Variants in FARP1 observed in about 807,000 individuals in gnomAD.
FARP1 encodes FERM, ARH/RhoGEF and pleckstrin domain protein 1.
A neutral mutation model predicts 128.8 loss-of-function variants in FARP1; 52 were observed. The observed-to-expected ratio is 0.40, with a 90% CI of 0.32 to 0.51. FARP1 has a LOEUF of 0.51. Ranked by LOEUF, FARP1 falls within the 20% of genes least tolerant of loss-of-function variation. The pLI, the probability that FARP1 is intolerant of heterozygous loss-of-function variation, is 0.45. For synonymous variants in FARP1, 580 were observed against 551.8 expected (o/e 1.05, Z -0.72); for missense variants, 1,333 against 1,367.9 (o/e 0.97, Z 0.40).
intron 1 of FARP1, among the ~76,000 whole-genome samples, chr13:98,188,742 T>C (rs1371870195): frequency 6.6e-6 from 1 of 152,126 alleles, no homozygotes; most frequent in Non-Finnish European, 1.5e-5. Context: ...CCACACCCCC[T>C]GCACTCTGAA....
chr13:98,418,014 C>T (rs1035924396), intron 16 of FARP1, among the ~76,000 whole-genome samples: 1 of 152,136 alleles, frequency 6.6e-6, no homozygotes, highest in Non-Finnish European at 1.5e-5. Flanking sequence ...AGTGGCTAAA[C>T]AAAATGTGTG....
In FARP1 at chr13:98,176,640, G is replaced by C; in HGVS notation, c.-24+33148G>C. On this transcript the variant is annotated intron_variant, in intron 1 of 26. Coordinates refer to ENST00000319562, the MANE Select transcript of FARP1 (RefSeq NM_005766.4). The surrounding 1 kb of genome is among the most constrained non-coding windows in gnomAD (Gnocchi z 6.2). The stretch of plus-strand genomic sequence containing the variant: ...CGAAGCCACAGAAGCCAGTCTCCTT[G>C]TAGTCCTTGCAGATGTCAGGCTGGT... The C allele has an allele frequency of 6.2e-7, 1 of 1,614,222 alleles. No individual in the cohort carries two copies. Among genetic ancestry groups the C allele is most frequent in the Non-Finnish European group, 8.5e-7 (1 of 1,180,040 alleles).
At chr13:98,254,990 A>AT (rs1309847262) in intron 2 of FARP1, among the ~76,000 whole-genome samples, 2 of 151,956 alleles carry the variant, frequency 1.3e-5, no homozygotes, top group East Asian at 1.9e-4. Context: ...CAAAGGAAGA[A>AT]TTTTTTACTT....
At position 98,440,050 on chromosome 13, in the gene FARP1, C is replaced by G. The variant is rs370893107; in HGVS notation, c.2516+7C>G. ...CCATCATCGTGGCCGCCAGGTAACT[C>G]GGGAGCCCGCCCCTTGCCTGTTTCC... On this transcript the variant is annotated splice_region_variant and intron_variant, in intron 22 of 26. Transcript: ENST00000319562. The G allele has an allele frequency of 3.7e-6, 6 of 1,607,542 alleles. No individual in the cohort carries two copies. The African/African-American group carries it at 6.7e-5, about 18-fold the overall frequency.
chr13:98,430,961 CATTTCCCCAAGTGA>C, intron 17 of FARP1, 68 bp from the exon 18 acceptor site: 2 of 834,678 alleles, frequency 2.4e-6, no homozygotes, highest in Non-Finnish European at 3.9e-6. Context: ...AGGAGCGCTT[CATTTCCCCAAGTGA>C]AACTGGGCAG....
At chr13:98,255,417 C>A (rs56844909) in intron 2 of FARP1, among the ~76,000 whole-genome samples, 2,206 of 152,128 alleles carry the variant, frequency 0.015, 39 homozygotes, top group African/African-American at 0.044. Context: ...AGGAGAATGG[C>A]GTGAACCCAG....
chr13:98,307,745 TAATG>T (rs1307738654), intron 2 of FARP1, among the ~76,000 whole-genome samples: 1 of 152,200 alleles, frequency 6.6e-6, no homozygotes, highest in East Asian at 1.9e-4. Flanking sequence ...TAACTGGAAA[TAATG>T]AAGCCTCTCC....
At chr13:98,329,013 C>T (rs1385930824) in intron 2 of FARP1, 1 of 152,216 alleles carries the variant, frequency 6.6e-6, no homozygotes, top group East Asian at 1.9e-4. Context: ...TCCAAGAGCA[C>T]TGAATCTGGA....
At chr13:98,188,698 A>G (rs1002526285) in intron 1 of FARP1, among the ~76,000 whole-genome samples, 5 of 152,110 alleles carry the variant, frequency 3.3e-5, no homozygotes, top group African/African-American at 1.2e-4. Context: ...TGTGGGCTTC[A>G]CTATGGCTCT....
At chr13:98,416,180 A>G (rs1483435053) in intron 16 of FARP1, among the ~76,000 whole-genome samples, 2 of 152,338 alleles carry the variant, frequency 1.3e-5, no homozygotes, top group East Asian at 3.9e-4. Context: ...AAACTAAGAA[A>G]ACAACGTTGG....
At chr13:98,300,265 G>A (rs1307909580) in intron 2 of FARP1, among the ~76,000 whole-genome samples, 14 of 152,310 alleles carry the variant, frequency 9.2e-5, no homozygotes, top group Non-Finnish European at 1.5e-4. Flanking sequence ...GTGTGGGGAC[G>A]ACAGGCTTTC....
rs1374047050 is a variant in FARP1, at chr13:98,213,161, A to G, written c.-23-59A>G. 8 of 1,437,120 alleles carry G rather than the reference A, an allele frequency of 5.6e-6. No individual in the cohort carries two copies. In the East Asian group the frequency reaches 1.4e-4, roughly 25 times the overall value. The allele number at this position is 1,437,120 out of a possible 1,614,324, so 89.0% of individuals were successfully genotyped here. A position where few individuals can be genotyped will look rare whatever the true frequency, so the allele number is the denominator to read the frequency against. ...ACCTGGGTGGGGTTCAAGGTGGCAC[A>G]CAGCTTGGGTGGTAGTCTCCTATTC... On this transcript the variant is annotated intron_variant, in intron 1 of 26. Transcript: ENST00000319562.
At chr13:98,377,260 C>T (rs1367349069) in intron 5 of FARP1, among the ~76,000 whole-genome samples, 1 of 151,228 alleles carries the variant, frequency 6.6e-6, no homozygotes, top group Middle Eastern at 3.2e-3. Flanking sequence ...CGAGATCACG[C>T]CACTGCACTC....
chr13:98,151,658 A>ATTTTTTTTTTTTTTTTT (rs1197060435), intron 1 of FARP1, among the ~76,000 whole-genome samples: 2 of 24,170 alleles, frequency 8.3e-5, no homozygotes, highest in African/African-American at 1.3e-4. Flanking sequence ...TATATCTTCC[A>ATTTTTTTTTTTTTTTTT]TCTTTTTTTT....
chr13:98,232,428 G>A (rs1180334507), intron 2 of FARP1, among the ~76,000 whole-genome samples: 1 of 152,136 alleles, frequency 6.6e-6, no homozygotes, highest in African/African-American at 2.4e-5. Context: ...CAGATTCCAG[G>A]CATGCCTCAT....
At chr13:98,270,739 C>G (rs141972914) in intron 2 of FARP1, among the ~76,000 whole-genome samples, 181 of 152,282 alleles carry the variant, frequency 1.2e-3, no homozygotes, top group Middle Eastern at 0.01. Flanking sequence ...GTCATGAGAA[C>G]AGATTTCTTA....
intron 16 of FARP1, among the ~76,000 whole-genome samples, chr13:98,421,112 A>G (rs1257651766): frequency 2.0e-5 from 3 of 152,154 alleles, no homozygotes; most frequent in Non-Finnish European, 2.9e-5. Context: ...CCCTCTTTAC[A>G]ATTAGGGATT....
intron 3 of FARP1, among the ~76,000 whole-genome samples, chr13:98,348,314 T>C (rs1226034601): frequency 1.3e-5 from 2 of 152,218 alleles, no homozygotes. Context: ...ATCAGCTGTT[T>C]AAAAGTATAG....
chr13:98,417,546 C>A (rs1434780257), intron 16 of FARP1, among the ~76,000 whole-genome samples: 3 of 144,568 alleles, frequency 2.1e-5, no homozygotes, highest in South Asian at 4.3e-4. Context: ...GCCAGGAGGG[C>A]AAGGATGGTT....
Sources: allele counts gnomAD v4.1 joint callset (sites outside exome capture counted in the v4.1 genomes callset), GRCh38; gene constraint gnomAD v4.1.1; non-coding constraint Gnocchi (gnomAD v3.1); transcripts MANE v1.5; gene names NCBI Gene and HGNC (gene_info 2026-07-23, HGNC 2026-07-21).